Variants in NDUFC1 observed in about 807,000 individuals in gnomAD.
NDUFC1 encodes NADH dehydrogenase [ubiquinone] 1 subunit C1, mitochondrial.
In NDUFC1, 11 loss-of-function variants were observed where a neutral mutation model predicts 11.6. That is an observed-to-expected ratio of 0.95 (90% CI 0.60 to 1.58). NDUFC1 has a LOEUF of 1.58. NDUFC1 is among the 40% of genes most tolerant of loss of function. The pLI is 0.00. For synonymous variants in NDUFC1, 52 were observed against 42.2 expected (o/e 1.23, Z -0.90); for missense variants, 112 against 93.0 (o/e 1.20, Z -0.84).
intron 1 of NDUFC1, among the ~76,000 whole-genome samples, chr4:139,297,687 G>A (rs1745524407): frequency 6.6e-6 from 1 of 152,064 alleles, no homozygotes; most frequent in African/African-American, 2.4e-5. Flanking sequence ...AGCAAGAATT[G>A]AAAAACAGTA....
At chr4:139,296,325 CACTT>C (rs1745475933) in intron 2 of NDUFC1, 1 of 153,658 alleles carries the variant, frequency 6.5e-6, no homozygotes, top group Non-Finnish European at 1.5e-5. Flanking sequence ...GATCTCTTAA[CACTT>C]ACCACTTACA....
rs897137514 is a variant in NDUFC1, at chr4:139,301,284, G to A, written c.-222+1132C>T. On this transcript the variant is annotated intron_variant, in intron 1 of 5. Transcript: ENST00000394223. ...TTTTGATGAGGAGGCGGTCTGAACC[G>A]TACTTGCCTAGCCTCCCGTAGCTCC... is the stretch of plus-strand genomic sequence containing the variant. The A allele has an allele frequency of 1.1e-5, 4 of 374,462 alleles. No homozygotes were observed. In the Admixed American group the frequency reaches 1.8e-4, roughly 17 times the overall value. The allele number at this position is 374,462 out of a possible 1,614,324, so 23.2% of individuals were successfully genotyped here. A position where few individuals can be genotyped will look rare whatever the true frequency, so the allele number is the denominator to read the frequency against.
At chr4:139,295,300 G>C (rs1241099573) in intron 3 of NDUFC1, among the ~76,000 whole-genome samples, 154 bp from the exon 4 acceptor site, 1 of 152,202 alleles carries the variant, frequency 6.6e-6, no homozygotes, top group Non-Finnish European at 1.5e-5. Context: ...AAGAGATCAA[G>C]TACCTCGCCC....
At chr4:139,300,457 G>T (rs756958515) in intron 1 of NDUFC1, 10 of 152,204 alleles carry the variant, frequency 6.6e-5, no homozygotes, top group Non-Finnish European at 2.9e-5. Context: ...ATGATGCAAA[G>T]AATGCTACAG....
At chr4:139,293,697 T>A (rs1745325528) in intron 4 of NDUFC1, among the ~76,000 whole-genome samples, 1 of 152,048 alleles carries the variant, frequency 6.6e-6, no homozygotes, top group Non-Finnish European at 1.5e-5. Flanking sequence ...AAAAACAAAA[T>A]TTTAAATATT....
intron 1 of NDUFC1, among the ~76,000 whole-genome samples, chr4:139,298,733 G>A (rs72724794): frequency 0.058 from 8,839 of 151,774 alleles, 365 homozygotes; most frequent in Middle Eastern, 0.12. Flanking sequence ...GAGAGCAGAG[G>A]TGTCATCACA....
intron 1 of NDUFC1, among the ~76,000 whole-genome samples, chr4:139,298,295 C>T (rs372967562): frequency 3.5e-4 from 52 of 147,940 alleles, no homozygotes; most frequent in African/African-American, 1.0e-3. Flanking sequence ...CAAAATTAGC[C>T]GGGCATGGTG....
At chr4:139,294,274 T>C (rs180810248) in intron 4 of NDUFC1, among the ~76,000 whole-genome samples, 19 of 152,094 alleles carry the variant, frequency 1.2e-4, no homozygotes, top group African/African-American at 3.4e-4. Context: ...CGCTACACAC[T>C]ATGTACAATT....
chr4:139,293,462 T>C (rs1745317979), intron 4 of NDUFC1, among the ~76,000 whole-genome samples: 1 of 152,236 alleles, frequency 6.6e-6, no homozygotes, highest in Admixed American at 6.5e-5. Flanking sequence ...CAATCACTAG[T>C]GCTCTCAGCA....
chr4:139,297,064 G>A (rs1745502507), intron 2 of NDUFC1, among the ~76,000 whole-genome samples: 1 of 152,278 alleles, frequency 6.6e-6, no homozygotes, highest in African/African-American at 2.4e-5. Flanking sequence ...CTGGACTCAT[G>A]CTCAAGTAAG....
intron 3 of NDUFC1, 78 bp downstream of exon 3, chr4:139,295,654 T>A (rs1214207347): frequency 1.4e-5 from 21 of 1,462,410 alleles, no homozygotes; most frequent in Non-Finnish European, 1.9e-5. Context: ...CGCTGCCGCC[T>A]CCTGCACCCG....
chr4:139,298,853 T>C (rs1165504200), intron 1 of NDUFC1, among the ~76,000 whole-genome samples: 2 of 151,996 alleles, frequency 1.3e-5, no homozygotes, highest in African/African-American at 4.8e-5. Context: ...TTAAAATTTT[T>C]TTGTAGAGAC....
At chr4:139,296,925 AACCAAAAATTATTG>A (rs1167338869) in intron 2 of NDUFC1, among the ~76,000 whole-genome samples, 1 of 152,240 alleles carries the variant, frequency 6.6e-6, no homozygotes, top group African/African-American at 2.4e-5. Flanking sequence ...GATCTTTTTT[AACCAAAAATTATTG>A]ACCAAAAAGT....
At chr4:139,298,378 C>T (rs1390607498) in intron 1 of NDUFC1, among the ~76,000 whole-genome samples, 2 of 143,902 alleles carry the variant, frequency 1.4e-5, no homozygotes, top group Non-Finnish European at 3.0e-5. Context: ...GGCAGAGTTG[C>T]GGTGAGCTGA....
intron 5 of NDUFC1, 136 bp downstream of exon 5, chr4:139,292,394 T>C (rs1745266326): frequency 2.7e-6 from 1 of 374,360 alleles, no homozygotes; most frequent in African/African-American, 2.1e-5. Flanking sequence ...ATTTATAAAT[T>C]TGTCACAGAC....
intron 4 of NDUFC1, among the ~76,000 whole-genome samples, chr4:139,292,915 G>C (rs1253028240): frequency 6.6e-6 from 1 of 151,838 alleles, no homozygotes; most frequent in Admixed American, 6.6e-5. Context: ...CCTTCTTCTG[G>C]GTTCAAGCGA....
intron 4 of NDUFC1, 96 bp downstream of exon 4, chr4:139,294,947 A>G (rs1443369056): frequency 1.2e-6 from 1 of 860,780 alleles, no homozygotes; most frequent in African/African-American, 1.7e-5. Flanking sequence ...TTTCACTGCC[A>G]TACAACATAT....
chr4:139,297,028 T>C (rs1238821944), intron 2 of NDUFC1, among the ~76,000 whole-genome samples: 4 of 152,230 alleles, frequency 2.6e-5, no homozygotes, highest in Admixed American at 1.3e-4. Flanking sequence ...GTGAGTCACT[T>C]TAGTTTGTAA....
chr4:139,295,762 G>C lies in NDUFC1; in HGVS notation c.37C>G (p.Leu13Val). 1 of 1,553,572 alleles carries C rather than the reference G, an allele frequency of 6.4e-7. No homozygotes were observed. The highest frequency in any genetic ancestry group is 8.7e-7 in the Non-Finnish European group (1 of 1,150,508). ...CTCGGGAGCCTGGCGGGGGCCAGCAGCCGGGAAAGGGGACGCAGCAAGGCG... is the reference window on the plus strand; with the variant it reads ...CTCGGGAGCCTGGCGGGGGCCAGCACCCGGGAAAGGGGACGCAGCAAGGCG... ...PSALLRPLSR[L>V]LAPARLPSGP... The change falls in exon 3 of 6, where the codon CTG (leucine) becomes GTG (valine). Residue 13 changes from leucine to valine, a missense_variant. Coordinates refer to ENST00000394223, the MANE Select transcript of NDUFC1 (RefSeq NM_001184989.2).
Sources: gnomAD v4.1 joint callset for allele counts (sites outside exome capture counted in the v4.1 genomes callset) on GRCh38, gnomAD v4.1.1 for gene constraint, MANE v1.5 for transcripts, NCBI Gene and HGNC (gene_info 2026-07-23, HGNC 2026-07-21) for gene names.